The following NOL10 variants were observed in gnomAD, a reference collection of about 807,000 sequenced individuals.
NOL10 encodes the protein H_NH0074G24.1.
In NOL10, 58 loss-of-function variants were observed where a neutral mutation model predicts 103.5. That is an observed-to-expected ratio of 0.56 (90% CI 0.45 to 0.70). The LOEUF is 0.70. NOL10 is among the 30% of genes least tolerant of loss of function. The pLI is 0.00. For synonymous variants in NOL10, 287 were observed against 282.5 expected (o/e 1.02, Z -0.16); for missense variants, 763 against 807.3 (o/e 0.95, Z 0.67).
chr2:10,616,567 G>C (rs1158134452), intron 13 of NOL10, among the ~76,000 whole-genome samples: 1 of 146,394 alleles, frequency 6.8e-6, no homozygotes, highest in African/African-American at 2.5e-5. Context: ...TTGTTTTTTT[G>C]AAACAGGGTC....
chr2:10,593,803 C>T (rs10210859), intron 17 of NOL10, among the ~76,000 whole-genome samples: 89,820 of 151,774 alleles, frequency 0.59, 27,592 homozygotes, highest in African/African-American at 0.74. Context: ...GGTGAGGTGC[C>T]CTCTGGACCC....
chr2:10,614,423 G>A (rs1208788030), intron 13 of NOL10, among the ~76,000 whole-genome samples: 1 of 152,082 alleles, frequency 6.6e-6, no homozygotes, highest in African/African-American at 2.4e-5. Context: ...AGAAACAACT[G>A]GAACCAGAGT....
At chr2:10,640,485 T>C (rs1479235086) in intron 13 of NOL10, among the ~76,000 whole-genome samples, 1 of 152,244 alleles carries the variant, frequency 6.6e-6, no homozygotes, top group Non-Finnish European at 1.5e-5. Context: ...GCAGCTCACC[T>C]AGGAGAGGGC....
At chr2:10,617,712 T>C (rs4669598) in intron 13 of NOL10, among the ~76,000 whole-genome samples, 89,923 of 151,960 alleles carry the variant, frequency 0.59, 27,621 homozygotes, top group African/African-American at 0.74. Context: ...AACTGGATAA[T>C]GACATTCATC....
chr2:10,658,475 G>A (rs1194714834), intron 10 of NOL10, among the ~76,000 whole-genome samples: 1 of 152,122 alleles, frequency 6.6e-6, no homozygotes, highest in African/African-American at 2.4e-5. Context: ...TACAGGCTCT[G>A]CCTTGAAGGA....
At chr2:10,677,185 T>C (rs551182873) in intron 3 of NOL10, among the ~76,000 whole-genome samples, 1 of 152,158 alleles carries the variant, frequency 6.6e-6, no homozygotes, top group South Asian at 2.1e-4. Flanking sequence ...GTGATCTGCC[T>C]GTCTCCGCCT....
chr2:10,666,846 T>C (rs1680597105), intron 8 of NOL10, among the ~76,000 whole-genome samples: 1 of 152,168 alleles, frequency 6.6e-6, no homozygotes. Flanking sequence ...CTCCAAACCA[T>C]TCAAGTGTTA....
chr2:10,659,536 T>C (rs1271416878), intron 9 of NOL10, among the ~76,000 whole-genome samples: 1 of 146,212 alleles, frequency 6.8e-6, no homozygotes, highest in African/African-American at 2.5e-5. Flanking sequence ...AAAAAAAAAA[T>C]AGCCAGTTGT....
At chr2:10,629,671 T>C (rs572182631) in intron 13 of NOL10, among the ~76,000 whole-genome samples, 53 of 152,352 alleles carry the variant, frequency 3.5e-4, no homozygotes, top group Non-Finnish European at 7.2e-4. Flanking sequence ...TCTGTTTCAA[T>C]AGTCAATGGC....
chr2:10,603,151 G>A lies in NOL10; in HGVS notation c.1160C>T (p.Thr387Ile). The A allele has an allele frequency of 2.5e-6, 4 of 1,610,356 alleles. No individual in the cohort carries two copies. The highest frequency in any genetic ancestry group is 3.4e-6 in the Non-Finnish European group (4 of 1,178,060). ...TKKDLENLGL[T>I]HLIGSPFLRA... is the part of the protein sequence containing the mutation. ...GAGGAAAGGAGATCCAATGAGGTGG[G>A]TGAGCCCTGGGAAAGGTCAAACAGA... Residue 387 changes from threonine (T) to isoleucine (I), a missense_variant, in exon 15 of 21, where the codon ACC becomes ATC. Thr to Ile is a moderately conservative substitution (Grantham distance 89). Transcript: ENST00000381685.
Position 10,589,152 on chromosome 2 carries a change from G to A in NOL10, c.1735C>T (p.Arg579Ter), listed in dbSNP as rs951343196. The A allele has an allele frequency of 1.9e-6, 3 of 1,613,864 alleles. No individual in the cohort carries two copies. The highest frequency in any genetic ancestry group is 1.3e-5 in the African/African-American group (1 of 74,910). Residue 579 changes from arginine (R) to a stop codon, truncating the protein, a stop_gained, in exon 19 of 21, where the codon CGA (arginine) becomes TGA (stop). Coordinates refer to ENST00000381685, the MANE Select transcript of NOL10 (RefSeq NM_024894.4). LOFTEE classifies it high-confidence loss of function. ...QQEEKVKRQE[R>*]LKEDQQTVLK... ...ACTGTCTGCTGGTCCTCCTTGAGTC[G>A]TTCCTGCCGCTTCACTTTTTCCTCC...
Position 10,669,976 on chromosome 2 carries a change from G to A in NOL10, c.465-1253C>T, listed in dbSNP as rs1167552834. 4.0e-5 allele frequency among the ~76,000 whole-genome samples: 6 copies of A among 151,858 alleles called. No individual in the cohort carries two copies. In the East Asian group the frequency reaches 9.6e-4, roughly 24 times the overall value. Reference sequence around the variant, plus strand: ...ACCTGTAATCCCAACATTTTGTGAGGCCAAAGCAAGAGGATCTTTTGAGCC... The same window carrying A: ...ACCTGTAATCCCAACATTTTGTGAGACCAAAGCAAGAGGATCTTTTGAGCC... On this transcript the variant is annotated intron_variant, in intron 6 of 20. Transcript: ENST00000381685.
intron 13 of NOL10, among the ~76,000 whole-genome samples, chr2:10,623,823 A>G (rs1006415210): frequency 1.3e-5 from 2 of 152,250 alleles, no homozygotes; most frequent in African/African-American, 4.8e-5. Flanking sequence ...ATATTTGCAA[A>G]TTAAAACAAC....
At chr2:10,647,716 T>C (rs953541471) in intron 12 of NOL10, among the ~76,000 whole-genome samples, 9 of 152,130 alleles carry the variant, frequency 5.9e-5, no homozygotes, top group East Asian at 1.9e-4. Flanking sequence ...TATGGGGCAT[T>C]TGAGTTTACT....
chr2:10,611,890 G>T (rs923438249), intron 13 of NOL10, among the ~76,000 whole-genome samples: 1 of 152,098 alleles, frequency 6.6e-6, no homozygotes, highest in African/African-American at 2.4e-5. Context: ...ACTCCAGCCT[G>T]GGTGACAGAA....
At chr2:10,680,445 G>A (rs1174650512) in intron 3 of NOL10, among the ~76,000 whole-genome samples, 1 of 151,720 alleles carries the variant, frequency 6.6e-6, no homozygotes, top group African/African-American at 2.4e-5. Flanking sequence ...GGGAATAGAG[G>A]ACGATTTCAT....
intron 2 of NOL10, 99 bp downstream of exon 2, chr2:10,684,468 G>T (rs1214387019): frequency 4.3e-6 from 4 of 923,224 alleles, no homozygotes; most frequent in Non-Finnish European, 4.9e-6. Context: ...ACATGTTACC[G>T]CATTCTTATA....
At chr2:10,581,659 T>C (rs541292472) in intron 19 of NOL10, among the ~76,000 whole-genome samples, 6 of 152,250 alleles carry the variant, frequency 3.9e-5, no homozygotes, top group South Asian at 2.1e-4. Context: ...AGACCCCATC[T>C]GGACAAAAAA....
At chr2:10,618,345 G>C (rs541365082) in intron 13 of NOL10, among the ~76,000 whole-genome samples, 1 of 152,232 alleles carries the variant, frequency 6.6e-6, no homozygotes, top group East Asian at 1.9e-4. Flanking sequence ...ATCTGCTCAA[G>C]GCTCAGGCCA....
Sources: allele counts gnomAD v4.1 joint callset (sites outside exome capture counted in the v4.1 genomes callset), GRCh38; gene constraint gnomAD v4.1.1; transcripts MANE v1.5; gene names NCBI Gene and HGNC (gene_info 2026-07-23, HGNC 2026-07-21).